The following ZDHHC13 variants were observed in gnomAD, a reference collection of about 807,000 sequenced individuals.
ZDHHC13 encodes zDHHC palmitoyltransferase 13.
In ZDHHC13, 85 loss-of-function variants were observed where a neutral mutation model predicts 86.0. That is an observed-to-expected ratio of 0.99 (90% confidence interval 0.83 to 1.18). The LOEUF (loss-of-function observed/expected upper bound fraction) is 1.18, where lower values mean the gene tolerates loss of function less well. Among genes scored for constraint, ZDHHC13 ranks in the 50% most tolerant of loss-of-function variants. ZDHHC13 has a pLI of 0.00. For synonymous variants in ZDHHC13, 263 were observed against 246.4 expected, an observed-to-expected ratio of 1.07 and a Z score of -0.63; for missense variants, 711 against 730.2, an observed-to-expected ratio of 0.97 and a Z score of 0.30.
At chr11:19,139,757 G>A (rs1410814742) in intron 1 of ZDHHC13, among the ~76,000 whole-genome samples, 195 of 131,882 alleles carry the variant, frequency 1.5e-3, no homozygotes, top group African/African-American at 4.9e-3. Context: ...CAGAAATAAC[G>A]CCGCATATCT....
intron 1 of ZDHHC13, among the ~76,000 whole-genome samples, chr11:19,129,945 G>T (rs542594750): frequency 6.6e-6 from 1 of 152,090 alleles, no homozygotes; most frequent in Non-Finnish European, 1.5e-5. Context: ...ACAAAAAGCC[G>T]GATGTGGTGG....
At chr11:19,141,592 C>T (rs1565027086) in intron 1 of ZDHHC13, among the ~76,000 whole-genome samples, 1 of 151,728 alleles carries the variant, frequency 6.6e-6, no homozygotes, top group Non-Finnish European at 1.5e-5. Context: ...GATAATGAAC[C>T]CAAAAGGCTG....
intron 15 of ZDHHC13, 30 bp downstream of exon 15, chr11:19,170,598 G>T: frequency 6.7e-7 from 1 of 1,496,502 alleles, no homozygotes. Flanking sequence ...TAATGGCTTT[G>T]AGTAAAATTT....
chr11:19,135,144 A>G (rs1424506132), intron 1 of ZDHHC13, among the ~76,000 whole-genome samples: 1 of 152,242 alleles, frequency 6.6e-6, no homozygotes, highest in Admixed American at 6.5e-5. Flanking sequence ...TGATTTCTGC[A>G]TCTCCATCTG....
chr11:19,161,895 A>G (rs1050157593), intron 10 of ZDHHC13, among the ~76,000 whole-genome samples: 5 of 152,166 alleles, frequency 3.3e-5, no homozygotes, highest in African/African-American at 1.2e-4. Context: ...ATATTCTCAC[A>G]TAGTATTACA....
Position 19,175,692 on chromosome 11 carries a change from C to A in ZDHHC13, c.1731-130C>A. Reference sequence around the variant, plus strand: ...ACCAGAAGCCCAGGAACTATCTGATCTACCCCATCTACCCCTGGATTTCTG... The same window carrying A: ...ACCAGAAGCCCAGGAACTATCTGATATACCCCATCTACCCCTGGATTTCTG... On this transcript the variant is annotated intron_variant, in intron 16 of 16. Transcript: ENST00000446113. 5 of 1,006,048 alleles carry A rather than the reference C, an allele frequency of 5.0e-6. No homozygotes were observed. The South Asian group carries it at 6.6e-5, about 13-fold the overall frequency. 62.3% of individuals were successfully genotyped at this position (1,006,048 alleles called of 1,614,324 possible). A position where few individuals can be genotyped will look rare whatever the true frequency, so the allele number is the denominator to read the frequency against.
intron 13 of ZDHHC13, 32 bp downstream of exon 13, chr11:19,165,177 GA>G (rs1393346681): frequency 2.5e-6 from 4 of 1,582,964 alleles, no homozygotes; most frequent in Non-Finnish European, 3.4e-6. Context: ...TTACTACTGT[GA>G]AGTTAAGCAT....
rs1003195369 is a variant in ZDHHC13 at position 19,172,764 on chromosome 11, G to T, written c.1674G>T (p.Leu558=). The T allele has an allele frequency of 1.2e-6, 2 of 1,606,076 alleles. No homozygotes were observed. The highest frequency in any genetic ancestry group is 2.7e-5 in the African/African-American group (2 of 74,748). The change falls in exon 16 of 17, where the codon CTG becomes CTT. Residue 558 remains leucine (L), a synonymous_variant. Transcript: ENST00000446113. ...LGLTSHERIS[L]QKQSKHMKQT... ...TGACCTCCCATGAGAGAATCAGCCTGCAGAAGCAGAGCAAGCATATGAAAC... is the reference window on the plus strand; with the variant it reads ...TGACCTCCCATGAGAGAATCAGCCTTCAGAAGCAGAGCAAGCATATGAAAC...
intron 6 of ZDHHC13, 41 bp downstream of exon 6, chr11:19,150,832 A>T: frequency 1.3e-6 from 2 of 1,562,460 alleles, no homozygotes; most frequent in Non-Finnish European, 1.8e-6. Context: ...TCTTGGTTCC[A>T]ACTATTTCTT....
In ZDHHC13 at chr11:19,147,639, G is replaced by A; in HGVS notation, c.340G>A (p.Asp114Asn). 1.2e-6 allele frequency: 2 copies of A among 1,602,864 alleles called. No individual in the cohort carries two copies. Among genetic ancestry groups the A allele is most frequent in the Non-Finnish European group, 1.7e-6 (2 of 1,174,122 alleles). Residue 114 changes from aspartate to asparagine, a missense_variant, in exon 4 of 17, where the codon GAT (aspartate) becomes AAT (asparagine). Transcript: ENST00000446113. ...TGCTGTTGTAGATCAGTTGGGTGGA[G>A]ATTTAAATTCAACTCCTCTTCACTG... ...KGAVVDQLGG[D>N]LNSTPLHWAI...
At chr11:19,142,002 T>A (rs1284806971) in intron 1 of ZDHHC13, among the ~76,000 whole-genome samples, 1 of 152,170 alleles carries the variant, frequency 6.6e-6, no homozygotes, top group Non-Finnish European at 1.5e-5. Flanking sequence ...TTATTAGCAC[T>A]ATGCTTTAAC....
rs76447768 is a variant in ZDHHC13, at chr11:19,146,405, G to A, written c.296+102G>A. ...GGGTATTGAACCATGTGTAATCCTCGTGTAAAAGAACACCCGAAACTTTTT... is the reference window on the plus strand; with the variant it reads ...GGGTATTGAACCATGTGTAATCCTCATGTAAAAGAACACCCGAAACTTTTT... On this transcript the variant is annotated intron_variant, in intron 3 of 16. Coordinates refer to ENST00000446113, the MANE Select transcript of ZDHHC13 (RefSeq NM_019028.3). 0.023 allele frequency: 30,908 copies of A among 1,332,854 alleles called. 450 individuals carry two copies. Among genetic ancestry groups the A allele is most frequent in the Non-Finnish European group, 0.026 (26,216 of 1,020,574 alleles). The allele number at this position is 1,332,854 out of a possible 1,614,324, so 82.6% of individuals were successfully genotyped here.
At chr11:19,169,781 A>G in intron 14 of ZDHHC13, 1 of 985,518 alleles carries the variant, frequency 1.0e-6, no homozygotes, top group Non-Finnish European at 1.2e-6. Flanking sequence ...TAATTGGCAC[A>G]CCTGGGGAGA....
chr11:19,165,594 G>A (rs1393936813), intron 13 of ZDHHC13, among the ~76,000 whole-genome samples: 5 of 152,178 alleles, frequency 3.3e-5, no homozygotes, highest in Admixed American at 2.0e-4. Flanking sequence ...AGAAGGCAGC[G>A]TGTGCAAGAG....
chr11:19,122,535 T>C (rs1233841960), intron 1 of ZDHHC13, among the ~76,000 whole-genome samples: 1 of 152,084 alleles, frequency 6.6e-6, no homozygotes, highest in Non-Finnish European at 1.5e-5. Context: ...TAATCTAATA[T>C]ATATTGTAAA....
intron 1 of ZDHHC13, among the ~76,000 whole-genome samples, chr11:19,126,651 G>A (rs902064828): frequency 1.3e-5 from 2 of 151,300 alleles, no homozygotes; most frequent in Non-Finnish European, 2.9e-5. Context: ...TGCCCAGCCT[G>A]CTGTTCCTTT....
chr11:19,167,233 T>A (rs1179701773), intron 14 of ZDHHC13: 1 of 152,214 alleles, frequency 6.6e-6, no homozygotes, highest in Non-Finnish European at 1.5e-5. Flanking sequence ...CTTGTTACAT[T>A]CTTGGTCAAA....
At chr11:19,133,094 T>C (rs1309773126) in intron 1 of ZDHHC13, among the ~76,000 whole-genome samples, 1 of 152,126 alleles carries the variant, frequency 6.6e-6, no homozygotes, top group Non-Finnish European at 1.5e-5. Context: ...AAATGGCCAG[T>C]AAACATGAAG....
intron 6 of ZDHHC13, among the ~76,000 whole-genome samples, chr11:19,151,242 A>G (rs1849599044): frequency 6.6e-6 from 1 of 152,080 alleles, no homozygotes; most frequent in Non-Finnish European, 1.5e-5. Flanking sequence ...AACTGAAAAG[A>G]GTCTGTATGT....
Sources: allele counts gnomAD v4.1 joint callset (sites outside exome capture counted in the v4.1 genomes callset), GRCh38; gene constraint gnomAD v4.1.1; transcripts MANE v1.5; gene names NCBI Gene and HGNC (gene_info 2026-07-23, HGNC 2026-07-21).